CLEC16A: variants seen among roughly 807,000 people sequenced by gnomAD.
CLEC16A encodes the protein C-type lectin domain containing 16A.
In CLEC16A, 51 loss-of-function variants were observed where a neutral mutation model predicts 109.5. The observed-to-expected ratio is 0.47, with a 90% CI of 0.37 to 0.59. The LOEUF is 0.59. Among genes scored for constraint, CLEC16A ranks in the 20% least tolerant of loss-of-function variants. The pLI, the probability that CLEC16A is intolerant of heterozygous loss-of-function variation, is 0.00. For missense variants in CLEC16A, 1,339 were observed against 1,394.0 expected, an observed-to-expected ratio of 0.96 and a Z score of 0.63; for synonymous variants, 673 against 564.2, an observed-to-expected ratio of 1.19 and a Z score of -2.73.
chr16:10,944,966 C>A (rs939918908), intron 1 of CLEC16A, among the ~76,000 whole-genome samples, 169 bp downstream of exon 1: 6 of 152,212 alleles, frequency 3.9e-5, no homozygotes, highest in Admixed American at 1.3e-4. Flanking sequence ...TGGGTTCGAA[C>A]CCTGACCCCG....
At chr16:11,023,544 AT>A (rs796221885) in intron 12 of CLEC16A, among the ~76,000 whole-genome samples, 185 of 140,318 alleles carry the variant, frequency 1.3e-3, no homozygotes, top group South Asian at 0.01. Flanking sequence ...TAAGATTTTC[AT>A]TTTTTTTTTT....
intron 19 of CLEC16A, among the ~76,000 whole-genome samples, chr16:11,083,127 G>T (rs1232573850): frequency 7.0e-6 from 1 of 143,578 alleles, no homozygotes; most frequent in Non-Finnish European, 1.5e-5. Context: ...TTGAGGTTTT[G>T]TTTGTTTTGT....
chr16:11,076,615 G>A (rs1299321679), intron 19 of CLEC16A, among the ~76,000 whole-genome samples: 2 of 152,212 alleles, frequency 1.3e-5, no homozygotes, highest in East Asian at 3.8e-4. Flanking sequence ...GGCCTCAGGA[G>A]GGGAGGGTTG....
intron 19 of CLEC16A, among the ~76,000 whole-genome samples, chr16:11,076,133 A>G (rs367850621): frequency 6.6e-6 from 1 of 152,198 alleles, no homozygotes; most frequent in East Asian, 1.9e-4. Flanking sequence ...TTCCACACCA[A>G]CAGCCAGTAG....
chr16:11,100,377 C>T (rs1021659948), intron 19 of CLEC16A, among the ~76,000 whole-genome samples: 3 of 152,200 alleles, frequency 2.0e-5, no homozygotes, highest in Non-Finnish European at 2.9e-5. Context: ...GGCGGTGATG[C>T]ACACGGCCCG....
Position 11,022,976 on chromosome 16 carries a change from T to TA in CLEC16A, c.1437-1835dup, listed in dbSNP as rs1015985832. Among the ~76,000 whole-genome samples, 1,230 of 143,932 alleles carry TA rather than the reference T, an allele frequency of 8.5e-3. 14 individuals carry two copies. Among genetic ancestry groups the TA allele is most frequent in the African/African-American group, 0.029 (1,164 of 39,488 alleles). The allele number at this position is 143,932 out of a possible 152,430, so 94.4% of individuals were successfully genotyped here. A position where few individuals can be genotyped will look rare whatever the true frequency, so the allele number is the denominator to read the frequency against. ...GCTTTCGAAACATCGTTTCTTTTCT[T>TA]AAAAAAAAAAGTTTAAAATTATGAA... On this transcript the variant is annotated intron_variant, in intron 12 of 23. Transcript: ENST00000409790.
chr16:10,960,070 T>C (rs2042184608), intron 2 of CLEC16A, among the ~76,000 whole-genome samples: 1 of 152,242 alleles, frequency 6.6e-6, no homozygotes, highest in Admixed American at 6.5e-5. Flanking sequence ...AATTTTGGAA[T>C]AATTTTAGAT....
intron 10 of CLEC16A, among the ~76,000 whole-genome samples, chr16:10,999,984 C>T (rs1346490784): frequency 6.6e-6 from 1 of 152,136 alleles, no homozygotes; most frequent in East Asian, 1.9e-4. Context: ...CTACAAGCGC[C>T]CGCCACCACA....
intron 22 of CLEC16A, among the ~76,000 whole-genome samples, chr16:11,151,375 C>T (rs1342940960): frequency 2.6e-5 from 4 of 152,218 alleles, no homozygotes; most frequent in Non-Finnish European, 5.9e-5. Context: ...CTGGTCACAC[C>T]TGGGCCCTTG....
chr16:11,025,305 C>T (rs1299042677), intron 13 of CLEC16A, among the ~76,000 whole-genome samples: 1 of 152,146 alleles, frequency 6.6e-6, no homozygotes, highest in African/African-American at 2.4e-5. Context: ...CTATTTATAA[C>T]ACTTGGTGTT....
chr16:11,092,553 C>T (rs1364507232), intron 19 of CLEC16A, among the ~76,000 whole-genome samples: 1 of 152,146 alleles, frequency 6.6e-6, no homozygotes, highest in Non-Finnish European at 1.5e-5. Context: ...CACACAAACA[C>T]AAAAAAGCCC....
At position 10,944,605 on chromosome 16, in the gene CLEC16A, C is replaced by T; in HGVS notation, c.-113C>T. The T allele has an allele frequency of 9.7e-6, 10 of 1,033,068 alleles. No individual in the cohort carries two copies. The highest frequency in any genetic ancestry group is 1.3e-5 in the Non-Finnish European group (9 of 707,398). The allele number at this position is 1,033,068 out of a possible 1,614,324, so 64.0% of individuals were successfully genotyped here. On this transcript the variant is annotated 5_prime_UTR_variant, in exon 1 of 24. Transcript: ENST00000409790. The stretch of plus-strand genomic sequence containing the variant: ...CCGGGGAGGAAGGCGGCTCGCGGTT[C>T]CTCCACCGCCTCCGCCGCCGCATCC...
chr16:11,155,165 G>A (rs368325024), intron 22 of CLEC16A, among the ~76,000 whole-genome samples: 3 of 152,134 alleles, frequency 2.0e-5, no homozygotes, highest in African/African-American at 7.2e-5. Flanking sequence ...GCCTCATTGG[G>A]CCCAAGTTCC....
At chr16:11,083,564 GC>G (rs1304571987) in intron 19 of CLEC16A, among the ~76,000 whole-genome samples, 5 of 152,326 alleles carry the variant, frequency 3.3e-5, no homozygotes, top group Non-Finnish European at 7.4e-5. Flanking sequence ...CAGCTCCAGA[GC>G]CCTCGGTCTC....
chr16:11,036,688 T>G (rs1307956917), intron 13 of CLEC16A, among the ~76,000 whole-genome samples: 1 of 152,002 alleles, frequency 6.6e-6, no homozygotes, highest in Non-Finnish European at 1.5e-5. Context: ...TAGCTGGTAC[T>G]ACAGGCATGT....
At chr16:10,970,692 C>A (rs1350810106) in intron 4 of CLEC16A, among the ~76,000 whole-genome samples, 1 of 152,256 alleles carries the variant, frequency 6.6e-6, no homozygotes, top group East Asian at 1.9e-4. Flanking sequence ...GCATGAGCCA[C>A]CACTCCCAGC....
At chr16:11,002,460 G>A (rs2044723405) in intron 10 of CLEC16A, among the ~76,000 whole-genome samples, 1 of 152,206 alleles carries the variant, frequency 6.6e-6, no homozygotes, top group African/African-American at 2.4e-5. Context: ...AGATCTGGAG[G>A]TGGCATTTGT....
intron 11 of CLEC16A, among the ~76,000 whole-genome samples, chr16:11,007,596 C>T (rs1597015398): frequency 1.3e-5 from 2 of 152,210 alleles, no homozygotes; most frequent in Non-Finnish European, 2.9e-5. Context: ...AACACTGTAG[C>T]GTTCAGCATG....
chr16:11,076,872 C>G (rs1240943836), intron 19 of CLEC16A, among the ~76,000 whole-genome samples: 1 of 152,164 alleles, frequency 6.6e-6, no homozygotes, highest in Non-Finnish European at 1.5e-5. Context: ...CTGGGGAGAT[C>G]AGGAATCGAA....
Sources: gnomAD v4.1 joint callset for allele counts (sites outside exome capture counted in the v4.1 genomes callset) on GRCh38, gnomAD v4.1.1 for gene constraint, MANE v1.5 for transcripts, NCBI Gene and HGNC (gene_info 2026-07-23, HGNC 2026-07-21) for gene names.